The following CEP112 variants were observed in gnomAD, a reference collection of about 807,000 sequenced individuals.
CEP112 encodes the protein centrosomal protein 112, also known as centrosomal protein of 112 kDa.
A neutral mutation model predicts 153.0 loss-of-function variants in CEP112; 127 were observed. That is an observed-to-expected ratio of 0.83 (90% CI 0.72 to 0.96). The LOEUF is 0.96. Among genes scored for constraint, CEP112 ranks in the 40% least tolerant of loss-of-function variants. The pLI, the probability that CEP112 is intolerant of heterozygous loss-of-function variation, is 0.00. For missense variants in CEP112, 1,089 were observed against 1,101.2 expected (o/e 0.99, Z 0.16); for synonymous variants, 358 against 374.4 (o/e 0.96, Z 0.51).
chr17:66,046,869 C>T (rs926895319), intron 12 of CEP112, among the ~76,000 whole-genome samples: 5 of 152,114 alleles, frequency 3.3e-5, no homozygotes, highest in Admixed American at 3.3e-4. Flanking sequence ...GGACCACCCG[C>T]AGCCACCAGA....
At chr17:65,793,211 C>T (rs2054700628) in intron 21 of CEP112, among the ~76,000 whole-genome samples, 1 of 152,128 alleles carries the variant, frequency 6.6e-6, no homozygotes, top group African/African-American at 2.4e-5. Flanking sequence ...TTGGGTAGTA[C>T]AGTTTATTTA....
chr17:66,057,124 G>T (rs1009017599), intron 11 of CEP112, among the ~76,000 whole-genome samples: 2 of 152,190 alleles, frequency 1.3e-5, no homozygotes, highest in Non-Finnish European at 2.9e-5. Context: ...AACCAGATTT[G>T]TGTTTGTGAA....
At chr17:65,978,176 G>A (rs2063104779) in intron 17 of CEP112, among the ~76,000 whole-genome samples, 1 of 152,120 alleles carries the variant, frequency 6.6e-6, no homozygotes, top group Non-Finnish European at 1.5e-5. Flanking sequence ...AGGATCACTT[G>A]AGCCCAGAGG....
At chr17:65,899,079 A>G (rs1321467866) in intron 20 of CEP112, among the ~76,000 whole-genome samples, 1 of 152,224 alleles carries the variant, frequency 6.6e-6, no homozygotes, top group Non-Finnish European at 1.5e-5. Context: ...TCCATGTCAG[A>G]AGAAGCTAAG....
intron 20 of CEP112, among the ~76,000 whole-genome samples, chr17:65,877,603 G>A (rs2058881466): frequency 6.6e-6 from 1 of 152,038 alleles, no homozygotes; most frequent in Admixed American, 6.5e-5. Context: ...CCAAAACTAA[G>A]ACAATACCAT....
intron 12 of CEP112, among the ~76,000 whole-genome samples, chr17:66,044,910 T>C (rs1242442713): frequency 2.6e-5 from 4 of 152,144 alleles, no homozygotes; most frequent in Non-Finnish European, 4.4e-5. Context: ...GATTTATTTG[T>C]ATCCTAAATA....
rs546496232 is a variant in CEP112 at position 66,150,179 on chromosome 17, C to T, written c.471-17416G>A. ...CCTCCCAAAGTACTGGGATTACAGGCGTGAGCCACCGCGCCCGGCCTTTTT... is the reference window on the plus strand; with the variant it reads ...CCTCCCAAAGTACTGGGATTACAGGTGTGAGCCACCGCGCCCGGCCTTTTT... On this transcript the variant is annotated intron_variant, in intron 4 of 26. Coordinates refer to ENST00000535342, the MANE Select transcript of CEP112 (RefSeq NM_001199165.4). Among the ~76,000 whole-genome samples, 789 of 146,656 alleles carry T rather than the reference C, an allele frequency of 5.4e-3. 4 individuals are homozygous for T. Among genetic ancestry groups the T allele is most frequent in the Middle Eastern group, 0.011 (3 of 266 alleles).
intron 17 of CEP112, among the ~76,000 whole-genome samples, chr17:65,998,915 T>G (rs1473875129): frequency 6.6e-6 from 1 of 151,890 alleles, no homozygotes; most frequent in East Asian, 1.9e-4. Flanking sequence ...CACACTAAAT[T>G]CAAACTGTTC....
chr17:66,147,568 T>C (rs1300201225), intron 4 of CEP112, among the ~76,000 whole-genome samples: 1 of 152,108 alleles, frequency 6.6e-6, no homozygotes, highest in Admixed American at 6.6e-5. Flanking sequence ...TGGCCTCATA[T>C]CCAAAAAAGA....
chr17:65,733,222 G>C (rs139059459), intron 23 of CEP112, among the ~76,000 whole-genome samples: 2 of 152,126 alleles, frequency 1.3e-5, no homozygotes, highest in African/African-American at 4.8e-5. Context: ...CCAGGAAGTG[G>C]AGCAGTTAGG....
At chr17:65,971,707 T>G (rs952780311) in intron 17 of CEP112, among the ~76,000 whole-genome samples, 5 of 152,150 alleles carry the variant, frequency 3.3e-5, no homozygotes, top group African/African-American at 9.7e-5. Context: ...ACATGCATAT[T>G]ACATGCATGC....
In CEP112 at chr17:66,063,091, A is replaced by C; in HGVS notation, c.956-10T>G. 6.8e-7 allele frequency: 1 copy of C among 1,461,864 alleles called. No homozygotes were observed. The highest frequency in any genetic ancestry group is 9.2e-7 in the Non-Finnish European group (1 of 1,084,636). 90.6% of individuals were successfully genotyped at this position (1,461,864 alleles called of 1,614,324 possible). On this transcript the variant is annotated splice_polypyrimidine_tract_variant and intron_variant, in intron 10 of 26. Coordinates refer to ENST00000535342, the MANE Select transcript of CEP112 (RefSeq NM_001199165.4). ...CGTATCAGTGTCTGAACTGTCAAAA[A>C]TTTTGAAAACATAGTTAAACCAATT...
chr17:65,672,582 T>C (rs1219386286), intron 24 of CEP112, among the ~76,000 whole-genome samples: 2 of 152,204 alleles, frequency 1.3e-5, no homozygotes, highest in Non-Finnish European at 2.9e-5. Context: ...AACAAATTCA[T>C]AAGGTGAGTA....
intron 21 of CEP112, among the ~76,000 whole-genome samples, chr17:65,762,058 T>C (rs2052647271): frequency 6.6e-6 from 1 of 152,114 alleles, no homozygotes; most frequent in South Asian, 2.1e-4. Context: ...TTGCCTCACA[T>C]AGTTTTTGTT....
At chr17:65,942,588 G>T (rs1415220849) in intron 18 of CEP112, among the ~76,000 whole-genome samples, 1 of 152,196 alleles carries the variant, frequency 6.6e-6, no homozygotes, top group Non-Finnish European at 1.5e-5. Flanking sequence ...TAAGTATCAG[G>T]TGAGTTGAAT....
chr17:65,737,460 G>A (rs942495793), intron 23 of CEP112, among the ~76,000 whole-genome samples: 2 of 152,156 alleles, frequency 1.3e-5, no homozygotes, highest in Admixed American at 6.5e-5. Flanking sequence ...TAGGGGAGAC[G>A]GATGTGGTAG....
intron 24 of CEP112, among the ~76,000 whole-genome samples, chr17:65,658,350 G>C (rs1187584429): frequency 3.9e-5 from 6 of 152,206 alleles, no homozygotes; most frequent in African/African-American, 1.4e-4. Flanking sequence ...GGAAAGTGAG[G>C]AACTCCTAGT....
At chr17:66,107,723 A>T (rs1159574123) in intron 6 of CEP112, among the ~76,000 whole-genome samples, 1 of 152,086 alleles carries the variant, frequency 6.6e-6, no homozygotes, top group Non-Finnish European at 1.5e-5. Context: ...TACTACCCAA[A>T]GCAATCTACA....
At chr17:65,654,073 A>G (rs2045935195) in intron 24 of CEP112, among the ~76,000 whole-genome samples, 1 of 150,404 alleles carries the variant, frequency 6.6e-6, no homozygotes, top group Non-Finnish European at 1.5e-5. Flanking sequence ...AAAAAAAAAA[A>G]AAAAAAAAGA....
Sources: gnomAD v4.1 joint callset for allele counts (sites outside exome capture counted in the v4.1 genomes callset) on GRCh38, gnomAD v4.1.1 for gene constraint, MANE v1.5 for transcripts, NCBI Gene and HGNC (gene_info 2026-07-23, HGNC 2026-07-21) for gene names.